The following FAM174B variants were observed in gnomAD, a reference collection of about 807,000 sequenced individuals.
The protein encoded by FAM174B is family with sequence similarity 174 member B.
Under a neutral mutation model 10.9 loss-of-function variants are expected in FAM174B, and 12 were observed. The ratio of observed to expected loss-of-function variants is 1.10; its 90% CI spans 0.71 to 1.79. The LOEUF (loss-of-function observed/expected upper bound fraction) is 1.79. Among genes scored for constraint, FAM174B ranks in the 40% most tolerant of loss-of-function variants. FAM174B has a pLI of 0.00. For missense variants in FAM174B, 266 were observed against 233.3 expected, an observed-to-expected ratio of 1.14 and a Z score of -0.91; for synonymous variants, 132 against 115.8, an observed-to-expected ratio of 1.14 and a Z score of -0.90.
At chr15:92,646,587 G>T (rs2050929497) in intron 1 of FAM174B, among the ~76,000 whole-genome samples, 1 of 152,136 alleles carries the variant, frequency 6.6e-6, no homozygotes, top group South Asian at 2.1e-4. Flanking sequence ...AAGGGTGGGG[G>T]GTTGGACATA....
intron 1 of FAM174B, among the ~76,000 whole-genome samples, chr15:92,638,363 T>C (rs894115545): frequency 6.6e-6 from 1 of 152,176 alleles, no homozygotes; most frequent in Non-Finnish European, 1.5e-5. Context: ...CTCAATGGAC[T>C]GTTCACCAGC....
In FAM174B at chr15:92,655,361, G is replaced by T; in HGVS notation, c.299C>A (p.Ala100Asp). ...GCAGGCGATGAGGAGGGTGGTAAAG[G>T]CGAACGCCACGATCACGGCTGCCTT... ...TLKAAVIVAF[A>D]FTTLLIACLL... Residue 100 changes from alanine (A) to aspartate (D), a missense_variant, in exon 1 of 3, where the codon GCC (alanine) becomes GAC (aspartate). Ala to Asp is a moderately radical substitution (Grantham distance 126, BLOSUM62 -2). Coordinates refer to ENST00000327355, the MANE Select transcript of FAM174B (RefSeq NM_207446.3). The T allele has an allele frequency of 6.3e-7, 1 of 1,590,958 alleles. No individual in the cohort carries two copies. The highest frequency in any genetic ancestry group is 8.6e-7 in the Non-Finnish European group (1 of 1,169,414).
chr15:92,650,194 C>T (rs1202487018), intron 1 of FAM174B, among the ~76,000 whole-genome samples: 2 of 152,128 alleles, frequency 1.3e-5, no homozygotes, highest in Non-Finnish European at 2.9e-5. Flanking sequence ...TAAATACACA[C>T]ACAATAGAGA....
intron 1 of FAM174B, among the ~76,000 whole-genome samples, chr15:92,653,363 G>C (rs2050979623): frequency 6.6e-6 from 1 of 152,182 alleles, no homozygotes; most frequent in Non-Finnish European, 1.5e-5. Flanking sequence ...CAGCAGACTA[G>C]CAAAATTGTT....
intron 1 of FAM174B, chr15:92,639,117 A>T (rs1312505760): frequency 9.8e-5 from 15 of 152,378 alleles, no homozygotes; most frequent in East Asian, 1.9e-4. Context: ...ACACTCCACA[A>T]CATGAGCCCT....
chr15:92,640,485 T>C (rs1016855062), intron 1 of FAM174B, among the ~76,000 whole-genome samples: 11 of 126,118 alleles, frequency 8.7e-5, no homozygotes, highest in South Asian at 2.4e-4. Flanking sequence ...CCATGAGACA[T>C]AGGTTGCAGT....
At position 92,619,109 on chromosome 15, in the gene FAM174B, A is replaced by G; in HGVS notation, c.*347T>C. The G allele has an allele frequency of 1.5e-6, 1 of 661,194 alleles. No homozygotes were observed. The highest frequency in any genetic ancestry group is 2.7e-6 in the Non-Finnish European group (1 of 365,470). 41.0% of individuals were successfully genotyped at this position (661,194 alleles called of 1,614,324 possible). On this transcript the variant is annotated 3_prime_UTR_variant, in exon 3 of 3. Transcript: ENST00000327355. ...CTTGATCCTCCTGATCTCTTTTACT[A>G]TTGTCAACAATTGTCTTAAAAAAAC...
chr15:92,635,725 C>T (rs1254214152), intron 1 of FAM174B, among the ~76,000 whole-genome samples: 8 of 151,904 alleles, frequency 5.3e-5, no homozygotes, highest in Admixed American at 3.9e-4. Context: ...GGATTACAGG[C>T]GCCTGCCACC....
chr15:92,622,808 G>A (rs7164814), intron 2 of FAM174B, among the ~76,000 whole-genome samples: 2,938 of 152,256 alleles, frequency 0.019, 103 homozygotes, highest in African/African-American at 0.067. Context: ...CCCCTTCCTG[G>A]CTGCCCACAG....
At chr15:92,623,124 C>A (rs565936909) in intron 2 of FAM174B, among the ~76,000 whole-genome samples, 10 of 151,864 alleles carry the variant, frequency 6.6e-5, no homozygotes, top group Admixed American at 5.3e-4. Context: ...CCACTGCACT[C>A]CAGCCTGGGC....
chr15:92,627,107 T>A (rs2050758316), intron 2 of FAM174B: 1 of 151,100 alleles, frequency 6.6e-6, no homozygotes, highest in African/African-American at 2.4e-5. Context: ...CCCCGCACTA[T>A]CGCTGTGTCA....
At chr15:92,644,763 C>T (rs2050914711) in intron 1 of FAM174B, among the ~76,000 whole-genome samples, 1 of 152,244 alleles carries the variant, frequency 6.6e-6, no homozygotes. Context: ...GTGGACAATA[C>T]TCTGTCTTCA....
At chr15:92,635,536 G>T (rs1186594469) in intron 1 of FAM174B, among the ~76,000 whole-genome samples, 1 of 151,912 alleles carries the variant, frequency 6.6e-6, no homozygotes, top group Non-Finnish European at 1.5e-5. Context: ...GCAGGGACAG[G>T]GAAGTGGGAT....
At chr15:92,628,481 C>G (rs2050768898) in intron 2 of FAM174B, among the ~76,000 whole-genome samples, 1 of 151,828 alleles carries the variant, frequency 6.6e-6, no homozygotes, top group Non-Finnish European at 1.5e-5. Flanking sequence ...TGCCCGAGCC[C>G]AGACATTTTC....
Position 92,626,028 on chromosome 15 carries a change from A to G in FAM174B, c.476+4186T>C, listed in dbSNP as rs145026996. Among the ~76,000 whole-genome samples the G allele has an allele frequency of 3.7e-4, 57 of 152,336 alleles. No individual in the cohort carries two copies. In the East Asian group the frequency reaches 7.9e-3, roughly 21 times the overall value. On this transcript the variant is annotated intron_variant, in intron 2 of 2. Coordinates refer to ENST00000327355, the MANE Select transcript of FAM174B (RefSeq NM_207446.3). ...GGGAGCAGGGACAGGGACTCTTCTT[A>G]GTCCCAGATGACGTATCTACACAGA... is the stretch of plus-strand genomic sequence containing the variant.
In FAM174B at chr15:92,630,298, G is replaced by C. The variant is rs1179071558; in HGVS notation, c.392C>G (p.Thr131Ser). ...CGCCATTTCCACTCGCTCTGCTGGA[G>C]TGGTGATGATATCATACTTGCGTGT... ...KKTRKYDIIT[T>S]PAERVEMAPL... is the part of the protein sequence containing the mutation. Residue 131 changes from threonine to serine, a missense_variant, in exon 2 of 3, where the codon ACT (threonine) becomes AGT (serine). Physicochemically the swap from Thr to Ser is moderately conservative, Grantham distance 58. Transcript: ENST00000327355. The C allele has an allele frequency of 1.9e-6, 3 of 1,613,782 alleles. No homozygotes were observed. The highest frequency in any genetic ancestry group is 1.1e-5 in the South Asian group (1 of 91,062).
At position 92,630,154 on chromosome 15, in the gene FAM174B, C is replaced by T. The variant is rs1482141714; in HGVS notation, c.476+60G>A. ...AACACATGGACACCATGCCTGACCTCGAGGTCCCACCAACCCACTGCCCCA... is the reference window on the plus strand; with the variant it reads ...AACACATGGACACCATGCCTGACCTTGAGGTCCCACCAACCCACTGCCCCA... On this transcript the variant is annotated intron_variant, in intron 2 of 2. Coordinates refer to ENST00000327355, the MANE Select transcript of FAM174B (RefSeq NM_207446.3). 102 of 1,581,954 alleles carry T rather than the reference C, an allele frequency of 6.4e-5. No homozygotes were observed. The South Asian group carries it at 1.0e-3, about 16-fold the overall frequency.
At chr15:92,626,244 G>T (rs773196625) in intron 2 of FAM174B, among the ~76,000 whole-genome samples, 3 of 151,018 alleles carry the variant, frequency 2.0e-5, no homozygotes, top group East Asian at 3.9e-4. Flanking sequence ...GACTACAGGC[G>T]CCAGCCACCG....
chr15:92,652,525 C>T (rs2050973153), intron 1 of FAM174B, among the ~76,000 whole-genome samples: 1 of 152,066 alleles, frequency 6.6e-6, no homozygotes, highest in African/African-American at 2.4e-5. Context: ...CTTGCCCACA[C>T]ATCAAGGAGT....
Sources: gnomAD v4.1 joint callset for allele counts (sites outside exome capture counted in the v4.1 genomes callset) on GRCh38, gnomAD v4.1.1 for gene constraint, MANE v1.5 for transcripts, NCBI Gene and HGNC (gene_info 2026-07-23, HGNC 2026-07-21) for gene names.